The following TMEM114 variants were observed in gnomAD, a reference collection of about 807,000 sequenced individuals.
The protein encoded by TMEM114 is transmembrane protein 114, also known as claudin-26.
A neutral mutation model predicts 6.2 loss-of-function variants in TMEM114; 6 were observed. That is an observed-to-expected ratio of 0.97 (90% CI 0.53 to 1.91). The LOEUF is 1.91. Among genes scored for constraint, TMEM114 ranks in the 40% most tolerant of loss-of-function variants. TMEM114 has a pLI of 0.01. For missense variants in TMEM114, 218 were observed against 158.3 expected (o/e 1.38, Z -2.02); for synonymous variants, 104 against 73.0 (o/e 1.42, Z -2.16).
chr16:8,541,499 A>G (rs1312269999), intron 2 of TMEM114, among the ~76,000 whole-genome samples: 9 of 152,218 alleles, frequency 5.9e-5, no homozygotes, highest in Non-Finnish European at 1.2e-4. Context: ...AGGTTCAGGA[A>G]GGGGAAAGAT....
intron 2 of TMEM114, among the ~76,000 whole-genome samples, chr16:8,580,365 T>C (rs1322548418): frequency 6.6e-6 from 1 of 151,902 alleles, no homozygotes; most frequent in Non-Finnish European, 1.5e-5. Context: ...TGTGCACCTC[T>C]AATCCCAGCT....
At chr16:8,584,949 G>GAAGAAGAA (rs1378214469) in intron 2 of TMEM114, among the ~76,000 whole-genome samples, 2 of 146,750 alleles carry the variant, frequency 1.4e-5, no homozygotes, top group Non-Finnish European at 3.0e-5. Context: ...AAAAGAAGAA[G>GAAGAAGAA]AAGAAGAAAA....
At chr16:8,535,288 C>T (rs1900322608), downstream of TMEM114, among the ~76,000 whole-genome samples, 1 of 152,140 alleles carries the variant, frequency 6.6e-6, no homozygotes, top group African/African-American at 2.4e-5. Flanking sequence ...TATTAAGTAG[C>T]AAGGACTTTT....
At chr16:8,555,484 G>A (rs148534456) in intron 2 of TMEM114, among the ~76,000 whole-genome samples, 16 of 152,246 alleles carry the variant, frequency 1.1e-4, no homozygotes, top group African/African-American at 3.6e-4. Flanking sequence ...TGGTGGGGAG[G>A]TGTTGCCATG....
chr16:8,558,368 A>G (rs1003398715), intron 2 of TMEM114, among the ~76,000 whole-genome samples: 4 of 152,170 alleles, frequency 2.6e-5, no homozygotes, highest in Non-Finnish European at 4.4e-5. Flanking sequence ...CTCCAGGTGC[A>G]TCTTGGCTTG....
At chr16:8,580,927 A>G (rs1902125844) in intron 2 of TMEM114, among the ~76,000 whole-genome samples, 1 of 152,170 alleles carries the variant, frequency 6.6e-6, no homozygotes, top group Non-Finnish European at 1.5e-5. Flanking sequence ...CCTGAGCTCA[A>G]GTGATCCACC....
chr16:8,580,619 G>A (rs1448975195), intron 2 of TMEM114, among the ~76,000 whole-genome samples: 1 of 151,384 alleles, frequency 6.6e-6, no homozygotes, highest in Non-Finnish European at 1.5e-5. Context: ...CCCAGTTTTT[G>A]TCCATATATT....
intron 2 of TMEM114, among the ~76,000 whole-genome samples, chr16:8,557,713 C>G (rs1901061046): frequency 6.6e-6 from 1 of 152,182 alleles, no homozygotes; most frequent in Non-Finnish European, 1.5e-5. Context: ...GCCTCTGAGC[C>G]TCAATTTCCT....
chr16:8,566,099 G>T (rs921086559), downstream of TMEM114, among the ~76,000 whole-genome samples: 1 of 152,124 alleles, frequency 6.6e-6, no homozygotes, highest in Non-Finnish European at 1.5e-5. Flanking sequence ...GGCCAGGCAC[G>T]GTGGCTCACG....
intron 2 of TMEM114, among the ~76,000 whole-genome samples, chr16:8,574,526 A>G (rs1452238215): frequency 6.6e-6 from 1 of 151,276 alleles, no homozygotes; most frequent in Non-Finnish European, 1.5e-5. Flanking sequence ...ATGTGATTAC[A>G]GGGGATGAGA....
At chr16:8,557,179 T>G (rs1006904173) in intron 2 of TMEM114, among the ~76,000 whole-genome samples, 4 of 152,162 alleles carry the variant, frequency 2.6e-5, no homozygotes, top group Admixed American at 1.3e-4. Flanking sequence ...CTATGTTCCC[T>G]CCTTGTGAAT....
chr16:8,558,338 C>G (rs1329620621), intron 2 of TMEM114, among the ~76,000 whole-genome samples: 1 of 152,124 alleles, frequency 6.6e-6, no homozygotes. Context: ...TCCTTCTTTG[C>G]CTATTCCAGC....
chr16:8,557,098 C>G (rs936971174), intron 2 of TMEM114, among the ~76,000 whole-genome samples: 1 of 152,200 alleles, frequency 6.6e-6, no homozygotes, highest in Non-Finnish European at 1.5e-5. Context: ...AAACGTGGCT[C>G]TAGCAGCTCT....
rs968022862 is a variant in TMEM114 at position 8,588,791 on chromosome 16, T to A, written c.301+422A>T. On this transcript the variant is annotated intron_variant, in intron 2 of 3. Transcript: ENST00000620492. ...GAATACAAACAACGCTGGCATGGAA[T>A]CTGTGGAATGAGACCTCTCTTTCAC... is the stretch of plus-strand genomic sequence containing the variant. Among the ~76,000 whole-genome samples, 30 of 152,304 alleles carry A rather than the reference T, an allele frequency of 2.0e-4. No individual in the cohort carries two copies. In the East Asian group the frequency reaches 4.1e-3, roughly 21 times the overall value.
chr16:8,582,381 A>G (rs1398839838), intron 2 of TMEM114, among the ~76,000 whole-genome samples: 3 of 152,124 alleles, frequency 2.0e-5, no homozygotes, highest in Non-Finnish European at 4.4e-5. Flanking sequence ...GAACATACCA[A>G]GCTCAGTCCT....
At chr16:8,559,649 CATTTCAT>C in intron 2 of TMEM114, among the ~76,000 whole-genome samples, 4 of 152,206 alleles carry the variant, frequency 2.6e-5, no homozygotes, top group Non-Finnish European at 4.4e-5. Context: ...TTAAAAGAAG[CATTTCAT>C]TGAGGAAATA....
the TMEM114 span, among the ~76,000 whole-genome samples, chr16:8,531,746 T>A: frequency 6.6e-6 from 1 of 152,344 alleles, no homozygotes; most frequent in East Asian, 1.9e-4. Flanking sequence ...GTCTGTGGAA[T>A]CCTCAATGAA....
At chr16:8,566,624 C>A (rs1901554342), downstream of TMEM114, among the ~76,000 whole-genome samples, 1 of 152,202 alleles carries the variant, frequency 6.6e-6, no homozygotes, top group Non-Finnish European at 1.5e-5. Flanking sequence ...TTACCACGGG[C>A]CATGGGCATC....
downstream of TMEM114, among the ~76,000 whole-genome samples, chr16:8,566,576 G>C (rs1203797969): frequency 6.6e-6 from 1 of 152,136 alleles, no homozygotes; most frequent in East Asian, 1.9e-4. Flanking sequence ...GAACAGAATG[G>C]AACAGCATCC....
Sources: allele counts gnomAD v4.1 joint callset (sites outside exome capture counted in the v4.1 genomes callset), GRCh38; gene constraint gnomAD v4.1.1; transcripts MANE v1.5; gene names NCBI Gene and HGNC (gene_info 2026-07-23, HGNC 2026-07-21).